The following SAMD5 variants were observed in gnomAD, a reference collection of about 807,000 sequenced individuals.
SAMD5 encodes sterile alpha motif domain-containing protein 5.
In SAMD5, 13 loss-of-function variants were observed where a neutral mutation model predicts 11.3. That is an observed-to-expected ratio of 1.15 (90% confidence interval 0.75 to 1.83). The LOEUF is 1.83. Ranked by LOEUF, SAMD5 falls within the 40% of genes most tolerant of loss-of-function variation. The pLI, the probability that SAMD5 is intolerant of heterozygous loss-of-function variation, is 0.00. For synonymous variants in SAMD5, 129 were observed against 111.3 expected (o/e 1.16, Z -1.00); for missense variants, 255 against 239.1 (o/e 1.07, Z -0.44).
chr6:147,790,204 G>A, the SAMD5 span, among the ~76,000 whole-genome samples: 12 of 152,320 alleles, frequency 7.9e-5, no homozygotes, highest in African/African-American at 2.6e-4. Flanking sequence ...ACAAACTGTG[G>A]TATATCTATA....
chr6:147,723,410 A>C (rs1388501165), intron 1 of SAMD5, among the ~76,000 whole-genome samples: 3 of 152,172 alleles, frequency 2.0e-5, no homozygotes, highest in Non-Finnish European at 4.4e-5. Context: ...CTGCCATGGA[A>C]CAGGAGGATT....
intron 1 of SAMD5, among the ~76,000 whole-genome samples, chr6:147,710,959 T>C (rs1304367206): frequency 7.3e-6 from 1 of 136,202 alleles, no homozygotes; most frequent in Non-Finnish European, 1.5e-5. Context: ...ATATGTGTGA[T>C]GAAGGAAGGA....
At chr6:147,818,118 C>T in the SAMD5 span, among the ~76,000 whole-genome samples, 1 of 152,230 alleles carries the variant, frequency 6.6e-6, no homozygotes, top group Non-Finnish European at 1.5e-5. Flanking sequence ...CATCCGCACA[C>T]ATGCATGTTC....
intron 1 of SAMD5, among the ~76,000 whole-genome samples, chr6:147,634,933 T>TGTACAGAGA (rs149642619): frequency 6.6e-6 from 1 of 151,756 alleles, no homozygotes; most frequent in East Asian, 1.9e-4. Context: ...TGAAGCCACT[T>TGTACAGAGA]AGTAGTACAC....
chr6:147,632,495 A>G (rs1263365595), intron 1 of SAMD5, among the ~76,000 whole-genome samples: 1 of 152,170 alleles, frequency 6.6e-6, no homozygotes, highest in Non-Finnish European at 1.5e-5. Context: ...AGATTTTGGA[A>G]GTTATGAGAA....
chr6:147,702,165 T>G (rs6926265), intron 1 of SAMD5, among the ~76,000 whole-genome samples: 2 of 152,024 alleles, frequency 1.3e-5, no homozygotes, highest in African/African-American at 4.8e-5. Context: ...AAAGCATGTG[T>G]GGGGAAAAAC....
chr6:147,766,325 A>C, the SAMD5 span, among the ~76,000 whole-genome samples: 1 of 152,102 alleles, frequency 6.6e-6, no homozygotes, highest in Non-Finnish European at 1.5e-5. Flanking sequence ...AGAACACAAC[A>C]ACCCAAATTA....
intron 1 of SAMD5, among the ~76,000 whole-genome samples, chr6:147,594,525 G>A (rs1195252459): frequency 6.6e-6 from 1 of 152,110 alleles, no homozygotes; most frequent in Non-Finnish European, 1.5e-5. Flanking sequence ...TATTACAAAG[G>A]CAGGTATTGG....
chr6:147,849,815 A>G, the SAMD5 span, among the ~76,000 whole-genome samples: 1 of 152,228 alleles, frequency 6.6e-6, no homozygotes. Context: ...GCGAGGGATC[A>G]ATCTAGACAA....
At chr6:147,611,678 C>G (rs1789788785) in intron 1 of SAMD5, among the ~76,000 whole-genome samples, 1 of 152,188 alleles carries the variant, frequency 6.6e-6, no homozygotes, top group Non-Finnish European at 1.5e-5. Flanking sequence ...TTGAACTCCT[C>G]TGAAGATTTG....
Position 147,566,140 on chromosome 6 carries a change from G to C in SAMD5, c.*1684G>C. ...AAGTTTAAATAGTTTAGCTATTTCT[G>C]TAGGTTAATTCAGGCACTGACTAAA... On this transcript the variant is annotated 3_prime_UTR_variant, in exon 2 of 2. Transcript: ENST00000367474. 5.1e-6 allele frequency: 5 copies of C among 981,564 alleles called. No homozygotes were observed. Among genetic ancestry groups the C allele is most frequent in the Non-Finnish European group, 6.1e-6 (5 of 826,438 alleles). 60.8% of individuals were successfully genotyped at this position (981,564 alleles called of 1,614,324 possible).
intron 1 of SAMD5, among the ~76,000 whole-genome samples, chr6:147,698,676 T>TGGC: frequency 6.6e-6 from 1 of 152,326 alleles, no homozygotes; most frequent in East Asian, 1.9e-4. Context: ...GGCTAGAAGT[T>TGGC]CTGGGAGTAG....
chr6:147,909,615 T>TC, the SAMD5 span, among the ~76,000 whole-genome samples: 5 of 63,944 alleles, frequency 7.8e-5, no homozygotes, highest in African/African-American at 1.9e-4. Context: ...TTTCTTTCTT[T>TC]CTTTCTTTCT....
chr6:147,770,015 C>T, the SAMD5 span, among the ~76,000 whole-genome samples: 2 of 152,168 alleles, frequency 1.3e-5, no homozygotes, highest in Non-Finnish European at 2.9e-5. Context: ...CTGATGCACT[C>T]TTTGGGAATA....
At chr6:147,575,758 C>T (rs1379883125) in intron 1 of SAMD5, among the ~76,000 whole-genome samples, 1 of 152,110 alleles carries the variant, frequency 6.6e-6, no homozygotes, top group Non-Finnish European at 1.5e-5. Context: ...TCCAGTGGGT[C>T]TCTGACATGA....
the SAMD5 span, among the ~76,000 whole-genome samples, chr6:147,937,698 A>T: frequency 6.6e-6 from 1 of 152,358 alleles, no homozygotes; most frequent in Non-Finnish European, 1.5e-5. Flanking sequence ...AAAATTCTTA[A>T]TAACCAGAGG....
At chr6:147,720,752 G>A (rs1466600371) in intron 1 of SAMD5, among the ~76,000 whole-genome samples, 3 of 151,324 alleles carry the variant, frequency 2.0e-5, no homozygotes, top group Admixed American at 1.3e-4. Context: ...CAATGTGCAG[G>A]TTAGTTCCAT....
intron 1 of SAMD5, among the ~76,000 whole-genome samples, chr6:147,543,581 T>C (rs1315561923): frequency 6.6e-6 from 1 of 152,226 alleles, no homozygotes; most frequent in Non-Finnish European, 1.5e-5. Flanking sequence ...TACCTTGTTC[T>C]GAAATTATGC....
At chr6:147,939,285 TG>T in the SAMD5 span, among the ~76,000 whole-genome samples, 36 of 152,210 alleles carry the variant, frequency 2.4e-4, 1 homozygote, top group African/African-American at 7.5e-4. Context: ...GTGGAGGTTT[TG>T]TTATGTAGGA....
Sources: allele counts gnomAD v4.1 joint callset (sites outside exome capture counted in the v4.1 genomes callset), GRCh38; gene constraint gnomAD v4.1.1; transcripts MANE v1.5; gene names NCBI Gene and HGNC (gene_info 2026-07-23, HGNC 2026-07-21).